Variants in DNMT3A observed in about 807,000 individuals in gnomAD.
DNMT3A encodes the protein DNA (cytosine-5)-methyltransferase 3A.
In DNMT3A, 267 loss-of-function variants were observed where a neutral mutation model predicts 117.6. The observed-to-expected ratio is 2.27, with a 90% CI of 2.05 to 2.51. DNMT3A has a LOEUF of 2.51. Ranked by LOEUF, DNMT3A falls within the 30% of genes most tolerant of loss-of-function variation. The probability of loss-of-function intolerance (pLI) is 0.00; values close to 1 mark genes in which losing one functional copy is unlikely to be tolerated. For synonymous variants in DNMT3A, 432 were observed against 474.8 expected (o/e 0.91, Z 1.17); for missense variants, 1,029 against 1,260.2 (o/e 0.82, Z 2.78).
chr2:25,300,500 G>A (rs2033369126), intron 2 of DNMT3A, among the ~76,000 whole-genome samples: 1 of 149,240 alleles, frequency 6.7e-6, no homozygotes, highest in Non-Finnish European at 1.5e-5. Flanking sequence ...CCAGCACTTT[G>A]AGAAGCCAAG....
At chr2:25,331,931 T>C (rs1240508293) in intron 1 of DNMT3A, among the ~76,000 whole-genome samples, 1 of 144,752 alleles carries the variant, frequency 6.9e-6, no homozygotes, top group African/African-American at 2.6e-5. Context: ...ATGAAGGGCA[T>C]CCCCACCCAC....
chr2:25,240,422 G>GAT lies in DNMT3A; in HGVS notation c.2201_2202insAT (p.Phe734LeufsTer46). The GAT allele has an allele frequency of 6.2e-7, 1 of 1,612,108 alleles. No homozygotes were observed. On this transcript the variant is annotated frameshift_variant, in exon 19 of 23. Transcript: ENST00000321117. LOFTEE classifies it high-confidence loss of function. The stretch of plus-strand genomic sequence containing the variant: ...GCCGCGCATCATGCAGGAGGCGGTA[G>GAT]AACTCAAAGAAGAGCCGGCCAGTGC...
intron 2 of DNMT3A, among the ~76,000 whole-genome samples, chr2:25,300,494 C>A (rs545185880): frequency 1.3e-5 from 2 of 149,574 alleles, no homozygotes; most frequent in South Asian, 4.2e-4. Flanking sequence ...GTAATCCCAG[C>A]ACTTTGAGAA....
chr2:25,240,434 G>GAGCC lies in DNMT3A; in HGVS notation c.2186_2189dup (p.Phe731AlafsTer4). 1 of 1,610,058 alleles carries GAGCC rather than the reference G, an allele frequency of 6.2e-7. No individual in the cohort carries two copies. The highest frequency in any genetic ancestry group is 8.5e-7 in the Non-Finnish European group (1 of 1,177,966). On this transcript the variant is annotated frameshift_variant, in exon 19 of 23. Transcript: ENST00000321117. LOFTEE classifies it high-confidence loss of function. ...GCAGGAGGCGGTAGAACTCAAAGAA[G>GAGCC]AGCCGGCCAGTGCCCTCTGAGAGGT...
intron 2 of DNMT3A, among the ~76,000 whole-genome samples, chr2:25,310,131 T>C (rs1045820345): frequency 6.6e-6 from 1 of 152,092 alleles, no homozygotes; most frequent in African/African-American, 2.4e-5. Context: ...TCTTAGCCAT[T>C]GTGTTTCTGA....
At chr2:25,258,279 T>G (rs1451950858) in intron 6 of DNMT3A, among the ~76,000 whole-genome samples, 1 of 152,168 alleles carries the variant, frequency 6.6e-6, no homozygotes, top group Non-Finnish European at 1.5e-5. Flanking sequence ...ACCCCAAACC[T>G]CGGCCCTGCC....
At chr2:25,267,540 C>T (rs2149354269) in intron 6 of DNMT3A, among the ~76,000 whole-genome samples, 1 of 152,344 alleles carries the variant, frequency 6.6e-6, no homozygotes, top group Non-Finnish European at 1.5e-5. Context: ...TGCCATTGTA[C>T]TCCAGCCTGG....
rs2033387689 is a variant in DNMT3A, at chr2:25,300,635, AATAT to A, written c.73-396_73-393del. Among the ~76,000 whole-genome samples, 2 of 89,042 alleles carry A rather than the reference AATAT, an allele frequency of 2.2e-5. 1 individual carries two copies. Among genetic ancestry groups the A allele is most frequent in the South Asian group, 6.4e-4 (2 of 3,102 alleles). 58.4% of individuals were successfully genotyped at this position (89,042 alleles called of 152,430 possible). ...TAATATATTATTTAGATATCTAAAT[AATAT>A]ATTATTTAGATATCTAAATAATATA... On this transcript the variant is annotated intron_variant, in intron 2 of 22. Transcript: ENST00000321117.
chr2:25,321,732 C>T (rs923897236), intron 1 of DNMT3A, among the ~76,000 whole-genome samples: 1 of 152,112 alleles, frequency 6.6e-6, no homozygotes, highest in African/African-American at 2.4e-5. Flanking sequence ...CAAAAATTTA[C>T]AAAATTAGCC....
intron 6 of DNMT3A, among the ~76,000 whole-genome samples, chr2:25,271,055 G>A (rs755077090): frequency 7.9e-5 from 12 of 151,366 alleles, no homozygotes; most frequent in South Asian, 2.1e-4. Context: ...ACAAAAACAG[G>A]CCTGATAGGC....
At position 25,237,072 on chromosome 2, in the gene DNMT3A, C is replaced by CG; in HGVS notation, c.2409-68dup. 6.6e-7 allele frequency: 1 copy of CG among 1,513,368 alleles called. No individual in the cohort carries two copies. Among genetic ancestry groups the CG allele is most frequent in the Non-Finnish European group, 9.1e-7 (1 of 1,103,170 alleles). 93.7% of individuals were successfully genotyped at this position (1,513,368 alleles called of 1,614,324 possible). On this transcript the variant is annotated intron_variant, in intron 20 of 22. Coordinates refer to ENST00000321117, the MANE Select transcript of DNMT3A (RefSeq NM_022552.5). The surrounding 1 kb of genome is among the most constrained non-coding windows in gnomAD (Gnocchi z 5.4). ...AACAGCGGGAAGGGCCCCAGCTGCACGACTCCCCTCCCTCCCCCAGCAGCC... is the reference window on the plus strand; with the variant it reads ...AACAGCGGGAAGGGCCCCAGCTGCACGGACTCCCCTCCCTCCCCCAGCAGCC...
At position 25,296,501 on chromosome 2, in the gene DNMT3A, CG is replaced by C. The variant is rs1422347919; in HGVS notation, c.177+3637del. ...TCTTGTCCCCTAAAAAATGGAGTCC[CG>C]GGGGGTTCCTGAAGAAGGACGTGCC... On this transcript the variant is annotated intron_variant, in intron 3 of 22. Transcript: ENST00000321117. The surrounding 1 kb of genome is among the most constrained non-coding windows in gnomAD (Gnocchi z 4.2). Among the ~76,000 whole-genome samples, 1 of 152,096 alleles carries C rather than the reference CG, an allele frequency of 6.6e-6. No homozygotes were observed. Among genetic ancestry groups the C allele is most frequent in the African/African-American group, 2.4e-5 (1 of 41,400 alleles).
chr2:25,247,737 A>C lies in DNMT3A; in HGVS notation c.868T>G (p.Phe290Val). 6.2e-7 allele frequency: 1 copy of C among 1,612,640 alleles called. No individual in the cohort carries two copies. Among genetic ancestry groups the C allele is most frequent in the Non-Finnish European group, 8.5e-7 (1 of 1,179,980 alleles). Residue 290 changes from phenylalanine to valine, a missense_variant, in exon 8 of 23, where the codon TTT becomes GTT. Transcript: ENST00000321117. The surrounding 1 kb of genome is among the most constrained non-coding windows in gnomAD (Gnocchi z 5.6). ...CCCCACACCAGCTCCCCAATGCCAA[A>C]GCCCCGGCCGTCCTGGAGCCCCAAG... ...DEPEYEDGRGFGIGELVWGKL... is the reference protein window; with the variant it reads ...DEPEYEDGRGVGIGELVWGKL...
intron 16 of DNMT3A, 151 bp downstream of exon 16, chr2:25,243,747 G>T: frequency 1.1e-6 from 1 of 908,082 alleles, no homozygotes; most frequent in Non-Finnish European, 1.7e-6. Context: ...GACTGCATAC[G>T]TTTCCACTTC....
chr2:25,341,402 G>C (rs923431009), intron 1 of DNMT3A, among the ~76,000 whole-genome samples: 2 of 145,632 alleles, frequency 1.4e-5, no homozygotes, highest in Admixed American at 6.8e-5. Context: ...CGCGGGGCTG[G>C]GGCAGAGCCC....
Position 25,247,704 on chromosome 2 carries a change from G to A in DNMT3A, c.901C>T (p.Arg301Trp), listed in dbSNP as rs1553414070. ...GIGELVWGKLRGFSWWPGRIV... is the reference protein window; with the variant it reads ...GIGELVWGKLWGFSWWPGRIV... The stretch of plus-strand genomic sequence containing the variant: ...CGGCCTGGCCACCAGGAGAAGCCCC[G>A]CAGTTTCCCCCACACCAGCTCCCCA... Residue 301 changes from arginine to tryptophan, a missense_variant, in exon 8 of 23, where the codon CGG becomes TGG. Arg to Trp is a moderately radical substitution (Grantham distance 101, BLOSUM62 -3). Transcript: ENST00000321117. The surrounding 1 kb of genome is among the most constrained non-coding windows in gnomAD (Gnocchi z 5.6). 3.1e-6 allele frequency: 5 copies of A among 1,613,128 alleles called. No homozygotes were observed. The highest frequency in any genetic ancestry group is 1.3e-5 in the African/African-American group (1 of 74,850).
chr2:25,245,731 A>C (rs1020423227), intron 12 of DNMT3A, among the ~76,000 whole-genome samples: 1 of 152,236 alleles, frequency 6.6e-6, no homozygotes, highest in African/African-American at 2.4e-5. Flanking sequence ...AGAGGTGAGC[A>C]AAGGTGAAAG....
intron 1 of DNMT3A, among the ~76,000 whole-genome samples, chr2:25,318,500 G>C (rs2034468041): frequency 1.3e-5 from 2 of 151,890 alleles, no homozygotes; most frequent in South Asian, 4.1e-4. Context: ...TGGCCAGGCT[G>C]GTCTTGAACT....
At chr2:25,301,256 G>A (rs1243478619) in intron 2 of DNMT3A, among the ~76,000 whole-genome samples, 2 of 110,092 alleles carry the variant, frequency 1.8e-5, no homozygotes, top group Middle Eastern at 4.2e-3. Context: ...GAGACAGAGC[G>A]AGACTGTCTC....
Sources: gnomAD v4.1 joint callset for allele counts (sites outside exome capture counted in the v4.1 genomes callset) on GRCh38, gnomAD v4.1.1 for gene constraint, Gnocchi (gnomAD v3.1) non-coding constraint, MANE v1.5 for transcripts, NCBI Gene and HGNC (gene_info 2026-07-23, HGNC 2026-07-21) for gene names.